SLC1A6: variants seen among roughly 807,000 people sequenced by gnomAD.
SLC1A6 encodes solute carrier family 1 member 6.
SLC1A6 carries 15 observed loss-of-function variants against 42.1 expected under a neutral mutation model. The ratio of observed to expected loss-of-function variants is 0.36; its 90% confidence interval spans 0.24 to 0.55. The LOEUF is 0.55. SLC1A6 is among the 20% of genes least tolerant of loss of function. The pLI is 0.88. For synonymous variants in SLC1A6, 317 were observed against 319.7 expected, an observed-to-expected ratio of 0.99 and a Z score of 0.09; for missense variants, 542 against 772.5, an observed-to-expected ratio of 0.70 and a Z score of 3.54.
At chr19:15,009,479 A>T (rs529356804) in intron 1 of SLC1A6, among the ~76,000 whole-genome samples, 3 of 152,284 alleles carry the variant, frequency 2.0e-5, no homozygotes, top group African/African-American at 7.2e-5. Flanking sequence ...ACTAGAGGCC[A>T]TTATCTTAAG....
rs182726131 is a variant in SLC1A6 at position 14,975,825 on chromosome 19, G to A, written c.-7-2908C>T. On this transcript the variant is annotated intron_variant, in intron 1 of 9. Transcript: ENST00000594383. ...ACGGAAGGGAAGGGAAGGGGACAAA[G>A]GGAAGGGAAGGGAAGGGGACAAAGG... Among the ~76,000 whole-genome samples the A allele has an allele frequency of 2.8e-4, 37 of 130,556 alleles. 2 individuals are homozygous for A. The highest frequency in any genetic ancestry group is 2.2e-3 in the Admixed American group (26 of 11,690). 85.6% of individuals were successfully genotyped at this position (130,556 alleles called of 152,430 possible).
chr19:14,966,383 T>C (rs1357701052), intron 4 of SLC1A6, among the ~76,000 whole-genome samples: 1 of 151,900 alleles, frequency 6.6e-6, no homozygotes, highest in Non-Finnish European at 1.5e-5. Context: ...TTCCAGCTAC[T>C]CTGGAGGCTG....
At chr19:14,967,684 A>G (rs2045589498) in intron 4 of SLC1A6, among the ~76,000 whole-genome samples, 3 of 152,236 alleles carry the variant, frequency 2.0e-5, no homozygotes, top group Admixed American at 2.0e-4. Flanking sequence ...ATTGTGTTCT[A>G]GCTGTCAAAA....
chr19:14,963,454 G>C (rs2045538056), intron 5 of SLC1A6, among the ~76,000 whole-genome samples: 1 of 152,072 alleles, frequency 6.6e-6, no homozygotes, highest in African/African-American at 2.4e-5. Flanking sequence ...GATTTTAAGT[G>C]TCTTTATCTC....
Position 14,954,161 on chromosome 19 carries a change from G to A in SLC1A6, c.1338C>T (p.Leu446=), listed in dbSNP as rs1329127992. ...TGATGGTTGTGATCTGACCCAGGTT[G>A]AGCTCGTAGTTGTTAACTTGAGCAA... is the stretch of plus-strand genomic sequence containing the variant. The part of the protein sequence containing the change: ...IFIAQVNNYE[L]NLGQITTISI... Residue 446 remains leucine (L), a synonymous_variant, in exon 8 of 10, where the codon CTC becomes CTT. Coordinates refer to ENST00000594383, the MANE Select transcript of SLC1A6 (RefSeq NM_005071.3). 1.9e-6 allele frequency: 3 copies of A among 1,610,416 alleles called. No individual in the cohort carries two copies. Among genetic ancestry groups the A allele is most frequent in the Non-Finnish European group, 2.5e-6 (3 of 1,178,086 alleles).
At chr19:14,978,538 GA>G (rs2045736103) in intron 1 of SLC1A6, among the ~76,000 whole-genome samples, 1 of 151,420 alleles carries the variant, frequency 6.6e-6, no homozygotes, top group East Asian at 2.0e-4. Context: ...CAAACCTTCA[GA>G]AATGCAGCTC....
chr19:14,977,336 C>G (rs1007503), intron 1 of SLC1A6: 110,017 of 152,128 alleles, frequency 0.72, 40,124 homozygotes, highest in African/African-American at 0.82. Context: ...CACACTCATG[C>G]ATTACCTATT....
chr19:14,954,057 T>TACCACCCCAACCCACCCAGCCAAG, intron 8 of SLC1A6, 78 bp downstream of exon 8: 1 of 997,542 alleles, frequency 1.0e-6, no homozygotes, highest in Non-Finnish European at 1.5e-6. Flanking sequence ...GGCCCCCTCC[T>TACCACCCCAACCCACCCAGCCAAG]CCCTCCCCAA....
At chr19:14,989,179 G>A (rs925895754) in intron 1 of SLC1A6, among the ~76,000 whole-genome samples, 4 of 152,122 alleles carry the variant, frequency 2.6e-5, no homozygotes, top group African/African-American at 9.7e-5. Context: ...CATTATTTGG[G>A]TGATGGCTAC....
exon 1 of SLC1A6, chr19:15,010,614 T>C: frequency 1.6e-6 from 1 of 640,336 alleles, no homozygotes. Context: ...GGAGTCAGGA[T>C]GCCAGTGCAC....
chr19:15,003,119 C>T (rs1387806418), intron 1 of SLC1A6, among the ~76,000 whole-genome samples: 3 of 152,148 alleles, frequency 2.0e-5, no homozygotes, highest in Admixed American at 6.6e-5. Context: ...GCTGGGATTA[C>T]AGGCATGTGC....
rs770305918 is a variant in SLC1A6, at chr19:14,968,498, G to A, written c.353C>T (p.Ser118Phe). Reference sequence around the variant, plus strand: ...CCGCCCCGTGGCCTTGTTGTCCAGGGATGCCATACCTGAAGGACAGATGAT... The same window carrying A: ...CCGCCCCGTGGCCTTGTTGTCCAGGAATGCCATACCTGAAGGACAGATGAT... Reference protein sequence around the residue: ...IVSSLVTGMASLDNKATGRMG... With the variant: ...IVSSLVTGMAFLDNKATGRMG... The change falls in exon 4 of 10, where the codon TCC (serine) becomes TTC (phenylalanine). Residue 118 changes from serine to phenylalanine, a missense_variant. Physicochemically the swap from Ser to Phe is radical, Grantham distance 155 (BLOSUM62 -2). This residue lies in a region of SLC1A6 where 298 missense variants were observed against 419.4 expected (regional missense o/e 0.71). Coordinates refer to ENST00000594383, the MANE Select transcript of SLC1A6 (RefSeq NM_005071.3). 3.1e-6 allele frequency: 5 copies of A among 1,609,432 alleles called. No homozygotes were observed. The highest frequency in any genetic ancestry group is 1.7e-6 in the Non-Finnish European group (2 of 1,177,552).
At chr19:14,962,561 G>T (rs1296101134) in intron 5 of SLC1A6, among the ~76,000 whole-genome samples, 1 of 152,128 alleles carries the variant, frequency 6.6e-6, no homozygotes, top group Non-Finnish European at 1.5e-5. Context: ...ATGAGCGAAT[G>T]AATCAGTAAA....
intron 1 of SLC1A6, among the ~76,000 whole-genome samples, chr19:14,990,787 A>AAAC: frequency 1.3e-5 from 1 of 78,596 alleles, no homozygotes; most frequent in African/African-American, 3.7e-5. Flanking sequence ...AAAACAAAAC[A>AAAC]AAAAAAAAAA....
At chr19:15,009,499 C>T (rs1023134651) in intron 1 of SLC1A6, among the ~76,000 whole-genome samples, 2 of 151,904 alleles carry the variant, frequency 1.3e-5, no homozygotes, top group African/African-American at 4.8e-5. Flanking sequence ...GTGAAATGAC[C>T]GAGAAATAGA....
Position 14,965,133 on chromosome 19 carries a change from C to A in SLC1A6, c.549-772G>T, listed in dbSNP as rs1275188226. Among the ~76,000 whole-genome samples the A allele has an allele frequency of 2.6e-5, 4 of 151,996 alleles. No individual in the cohort carries two copies. The East Asian group carries it at 7.7e-4, about 29-fold the overall frequency. ...CTCCCGGGTTCAAGCAATTCTCCTG[C>A]CTCAGCCTCCCAAGTAGCTGGGATT... is the stretch of plus-strand genomic sequence containing the variant. On this transcript the variant is annotated intron_variant, in intron 4 of 9. Transcript: ENST00000594383.
chr19:14,960,384 A>G (rs1183326060), intron 6 of SLC1A6, among the ~76,000 whole-genome samples: 2 of 152,256 alleles, frequency 1.3e-5, no homozygotes, highest in African/African-American at 4.8e-5. Flanking sequence ...TGAGTTTGTA[A>G]ATAAATTTAC....
intron 1 of SLC1A6, among the ~76,000 whole-genome samples, chr19:14,994,170 T>C (rs533657929): frequency 6.6e-6 from 1 of 152,192 alleles, no homozygotes; most frequent in South Asian, 2.1e-4. Flanking sequence ...TCCAGGTTCA[T>C]GGATCAAACC....
At chr19:15,008,795 G>C (rs995493196) in intron 1 of SLC1A6, among the ~76,000 whole-genome samples, 1 of 151,358 alleles carries the variant, frequency 6.6e-6, no homozygotes, top group Non-Finnish European at 1.5e-5. Flanking sequence ...ACCAACCTGG[G>C]TAACATGGCA....
Sources: allele counts gnomAD v4.1 joint callset (sites outside exome capture counted in the v4.1 genomes callset), GRCh38; gene constraint gnomAD v4.1.1; regional missense constraint gnomAD v4.1.1; transcripts MANE v1.5; gene names NCBI Gene and HGNC (gene_info 2026-07-23, HGNC 2026-07-21).